Variants in BPI observed in about 807,000 individuals in gnomAD.
The protein encoded by BPI is bactericidal permeability-increasing protein.
BPI carries 48 observed loss-of-function variants against 57.6 expected under a neutral mutation model. The observed-to-expected ratio is 0.83, with a 90% CI of 0.66 to 1.06. BPI has a LOEUF of 1.06. Ranked by LOEUF, BPI falls within the 50% of genes least tolerant of loss-of-function variation. The pLI, the probability that BPI is intolerant of heterozygous loss-of-function variation, is 0.00. For missense variants in BPI, 651 were observed against 609.7 expected (o/e 1.07, Z -0.71); for synonymous variants, 237 against 238.2 (o/e 0.99, Z 0.05).
chr20:38,327,984 T>C (rs1247929811), intron 11 of BPI, among the ~76,000 whole-genome samples: 1 of 152,088 alleles, frequency 6.6e-6, no homozygotes, highest in African/African-American at 2.4e-5. Context: ...CAGCTGATGA[T>C]CCCCACTGAA....
intron 12 of BPI, among the ~76,000 whole-genome samples, chr20:38,331,853 A>G (rs1445207200): frequency 1.3e-5 from 2 of 150,748 alleles, no homozygotes; most frequent in East Asian, 3.9e-4. Flanking sequence ...CAAAAAAAAA[A>G]AAAAAAAGAG....
At chr20:38,335,727 C>T in intron 14 of BPI, 53 bp downstream of exon 14, 1 of 1,549,312 alleles carries the variant, frequency 6.5e-7, no homozygotes, top group Non-Finnish European at 8.9e-7. Context: ...TGACCAACAG[C>T]AGCCTATGGC....
chr20:38,324,651 G>T, intron 8 of BPI, 123 bp from the exon 9 acceptor site: 3 of 791,286 alleles, frequency 3.8e-6, no homozygotes, highest in Non-Finnish European at 4.4e-6. Flanking sequence ...GTGCTCTGTT[G>T]TCACATAGGG....
intron 2 of BPI, 80 bp from the exon 3 acceptor site, chr20:38,308,850 G>T: frequency 6.4e-7 from 1 of 1,558,100 alleles, no homozygotes; most frequent in Non-Finnish European, 8.8e-7. Flanking sequence ...GGACGAGTCT[G>T]CATTAACCAT....
chr20:38,315,148 G>A (rs763399609), intron 5 of BPI, among the ~76,000 whole-genome samples: 3 of 152,142 alleles, frequency 2.0e-5, no homozygotes, highest in Non-Finnish European at 4.4e-5. Flanking sequence ...CCCTGTGAGA[G>A]AGATTCCATG....
At chr20:38,309,415 T>A (rs746386715) in intron 3 of BPI, among the ~76,000 whole-genome samples, 3 of 152,224 alleles carry the variant, frequency 2.0e-5, no homozygotes, top group Non-Finnish European at 4.4e-5. Context: ...CACTTATGTA[T>A]CTGTCGGCTG....
chr20:38,332,208 C>T (rs1396265414), intron 12 of BPI, among the ~76,000 whole-genome samples: 1 of 152,164 alleles, frequency 6.6e-6, no homozygotes, highest in Non-Finnish European at 1.5e-5. Flanking sequence ...TTGTGTTGCA[C>T]AGGCAGTGAG....
At chr20:38,318,691 C>T (rs1370462381) in intron 6 of BPI, among the ~76,000 whole-genome samples, 1 of 151,930 alleles carries the variant, frequency 6.6e-6, no homozygotes, top group Non-Finnish European at 1.5e-5. Context: ...CCCATACTAC[C>T]TCATTCCCTC....
chr20:38,336,739 TA>T (rs1266521781), intron 14 of BPI, among the ~76,000 whole-genome samples: 5 of 152,140 alleles, frequency 3.3e-5, no homozygotes, highest in South Asian at 2.1e-4. Flanking sequence ...GTTCGTGTTT[TA>T]AAAAAAATGA....
intron 3 of BPI, 149 bp downstream of exon 3, chr20:38,309,207 A>G (rs2076610840): frequency 8.5e-7 from 1 of 1,174,106 alleles, no homozygotes; most frequent in Non-Finnish European, 1.2e-6. Flanking sequence ...TCACATGAGA[A>G]GATTCAACAT....
intron 11 of BPI, among the ~76,000 whole-genome samples, chr20:38,330,363 C>G (rs1382514556): frequency 6.6e-6 from 1 of 152,190 alleles, no homozygotes; most frequent in Non-Finnish European, 1.5e-5. Context: ...GCCCTTGCCT[C>G]TTGTAATGTT....
chr20:38,322,926 G>C (rs2076693818), intron 7 of BPI, among the ~76,000 whole-genome samples: 1 of 152,148 alleles, frequency 6.6e-6, no homozygotes, highest in African/African-American at 2.4e-5. Flanking sequence ...TTATTATTAA[G>C]AGTTGCATGT....
At chr20:38,316,255 A>T (rs535044149) in intron 5 of BPI, among the ~76,000 whole-genome samples, 1 of 151,396 alleles carries the variant, frequency 6.6e-6, no homozygotes, top group South Asian at 2.1e-4. Context: ...CCCAGGAAAA[A>T]TAACTTGATT....
chr20:38,313,932 G>C (rs1429782699), intron 5 of BPI, among the ~76,000 whole-genome samples: 1 of 151,732 alleles, frequency 6.6e-6, no homozygotes, highest in Non-Finnish European at 1.5e-5. Context: ...TGATGGCGAT[G>C]ATGGTGATGA....
intron 1 of BPI, 92 bp from the exon 2 acceptor site, chr20:38,307,475 G>A (rs781617618): frequency 1.3e-5 from 12 of 906,114 alleles, no homozygotes; most frequent in East Asian, 5.6e-5. Context: ...TCCATGCTAC[G>A]AACAGGGGCC....
intron 1 of BPI, among the ~76,000 whole-genome samples, chr20:38,304,630 T>G (rs1243313551): frequency 3.3e-5 from 5 of 152,182 alleles, no homozygotes; most frequent in African/African-American, 1.2e-4. Context: ...CTTCCCTCTA[T>G]GTAACCTCCA....
intron 5 of BPI, among the ~76,000 whole-genome samples, chr20:38,315,324 T>G (rs1479510515): frequency 6.6e-6 from 1 of 152,044 alleles, no homozygotes; most frequent in Non-Finnish European, 1.5e-5. Flanking sequence ...AGGAATGAAA[T>G]GTCATGATGC....
At position 38,318,353 on chromosome 20, in the gene BPI, G is replaced by A. The variant is rs5741802; in HGVS notation, c.601-60G>A. 6,574 of 1,529,136 alleles carry A rather than the reference G, an allele frequency of 4.3e-3. 251 individuals are homozygous for A. The African/African-American group carries it at 0.08, about 19-fold the overall frequency. The allele number at this position is 1,529,136 out of a possible 1,614,324, so 94.7% of individuals were successfully genotyped here. ...AGCAAGGCATATCTGGCCCGTTATTGTCAAGGGACATTTTTCACTATGGGA... is the reference window on the plus strand; with the variant it reads ...AGCAAGGCATATCTGGCCCGTTATTATCAAGGGACATTTTTCACTATGGGA... On this transcript the variant is annotated intron_variant, in intron 5 of 14. Coordinates refer to ENST00000642449, the MANE Select transcript of BPI (RefSeq NM_001725.3).
At chr20:38,320,661 T>TACACACACACACACACAC (rs369329923) in intron 7 of BPI, among the ~76,000 whole-genome samples, 14 of 130,878 alleles carry the variant, frequency 1.1e-4, no homozygotes, top group East Asian at 4.7e-4. Flanking sequence ...TTATTACCAA[T>TACACACACACACACACAC]ACACACACAC....
Sources: allele counts gnomAD v4.1 joint callset (sites outside exome capture counted in the v4.1 genomes callset), GRCh38; gene constraint gnomAD v4.1.1; transcripts MANE v1.5; gene names NCBI Gene and HGNC (gene_info 2026-07-23, HGNC 2026-07-21).